The following MMP16 variants were observed in gnomAD, a reference collection of about 807,000 sequenced individuals.
MMP16 encodes the protein matrix metalloproteinase-16.
Under a neutral mutation model 67.8 loss-of-function variants are expected in MMP16, and 12 were observed. That is an observed-to-expected ratio of 0.18 (90% CI 0.11 to 0.29). The LOEUF is 0.29. MMP16 is among the 10% of genes least tolerant of loss of function. The probability of loss-of-function intolerance (pLI) is 1.00; values close to 1 mark genes in which losing one functional copy is unlikely to be tolerated. For synonymous variants in MMP16, 249 were observed against 255.9 expected (o/e 0.97, Z 0.26); for missense variants, 475 against 765.7 (o/e 0.62, Z 4.48).
chr8:88,318,287 G>A (rs1248886271), intron 1 of MMP16, among the ~76,000 whole-genome samples: 1 of 152,158 alleles, frequency 6.6e-6, no homozygotes, highest in Non-Finnish European at 1.5e-5. Context: ...TATTGTATGT[G>A]TTTAAGATTA....
chr8:88,307,954 C>T (rs1054838017), intron 1 of MMP16, among the ~76,000 whole-genome samples: 4 of 151,988 alleles, frequency 2.6e-5, no homozygotes, highest in African/African-American at 9.7e-5. Context: ...AAGAAAAATG[C>T]AATAACTCCA....
At chr8:88,197,373 A>T (rs1809273234) in intron 1 of MMP16, 67 bp from the exon 2 acceptor site, 5 of 1,343,488 alleles carry the variant, frequency 3.7e-6, no homozygotes, top group Non-Finnish European at 5.0e-6. Flanking sequence ...CTGGTAATTA[A>T]TGTATATCTA....
At chr8:88,270,122 T>C (rs896497965) in intron 1 of MMP16, among the ~76,000 whole-genome samples, 1 of 152,188 alleles carries the variant, frequency 6.6e-6, no homozygotes, top group Non-Finnish European at 1.5e-5. Flanking sequence ...AGAACAGTTA[T>C]CATATTTCCA....
At chr8:88,226,568 C>G (rs1809772322) in intron 1 of MMP16, among the ~76,000 whole-genome samples, 1 of 152,126 alleles carries the variant, frequency 6.6e-6, no homozygotes, top group East Asian at 1.9e-4. Context: ...TTTTTAAAAT[C>G]ATGTATTCAG....
At chr8:88,196,651 G>C (rs560003510) in intron 2 of MMP16, among the ~76,000 whole-genome samples, 8 of 152,278 alleles carry the variant, frequency 5.3e-5, no homozygotes, top group African/African-American at 1.9e-4. Flanking sequence ...AGAACCGTCA[G>C]CAGTGGGGAG....
intron 4 of MMP16, among the ~76,000 whole-genome samples, chr8:88,121,109 A>G (rs1807822793): frequency 6.7e-6 from 1 of 149,436 alleles, no homozygotes; most frequent in African/African-American, 2.5e-5. Context: ...TAGAAAGAGG[A>G]ATACAAAAAG....
At chr8:88,135,640 A>G (rs1808105859) in intron 4 of MMP16, among the ~76,000 whole-genome samples, 1 of 151,908 alleles carries the variant, frequency 6.6e-6, no homozygotes, top group Admixed American at 6.6e-5. Flanking sequence ...AGACATATAA[A>G]GAGGAGAATC....
intron 6 of MMP16, among the ~76,000 whole-genome samples, chr8:88,116,254 A>G (rs1197301161): frequency 6.6e-6 from 1 of 151,898 alleles, no homozygotes; most frequent in Admixed American, 6.6e-5. Context: ...AACATGCAGC[A>G]TTTTTTTTAC....
chr8:88,118,921 G>A, intron 4 of MMP16, 60 bp from the exon 5 acceptor site: 2 of 1,493,012 alleles, frequency 1.3e-6, no homozygotes, highest in Non-Finnish European at 1.8e-6. Context: ...GAATTGAAAA[G>A]GACAATTTGG....
chr8:88,128,118 C>T (rs1022548305), intron 4 of MMP16, among the ~76,000 whole-genome samples: 8 of 151,782 alleles, frequency 5.3e-5, no homozygotes, highest in African/African-American at 4.8e-5. Flanking sequence ...CTGCGGAGAA[C>T]GGCCTCTGTT....
rs1811555031 is a variant in MMP16 at position 88,327,235 on chromosome 8, G to C, written c.-29C>G. 1 of 1,612,870 alleles carries C rather than the reference G, an allele frequency of 6.2e-7. No individual in the cohort carries two copies. The highest frequency in any genetic ancestry group is 1.7e-5 in the Admixed American group (1 of 59,968). On this transcript the variant is annotated 5_prime_UTR_variant, in exon 1 of 10. Coordinates refer to ENST00000286614, the MANE Select transcript of MMP16 (RefSeq NM_005941.5). ...GAACTGTGCTTCAATGGATGGACGA[G>C]CTCCCCTTCGTTTTCTCCCTCTCTC...
intron 7 of MMP16, among the ~76,000 whole-genome samples, chr8:88,065,370 A>T (rs756236897): frequency 7.9e-5 from 12 of 152,102 alleles, no homozygotes; most frequent in Non-Finnish European, 1.5e-4. Context: ...ACATAATAAA[A>T]CTATACTATG....
chr8:88,217,628 G>C (rs932672029), intron 1 of MMP16, among the ~76,000 whole-genome samples: 1 of 151,864 alleles, frequency 6.6e-6, no homozygotes, highest in Non-Finnish European at 1.5e-5. Flanking sequence ...ATCTGTGTCA[G>C]CACCAATTCC....
At chr8:88,290,080 A>G (rs544299973) in intron 1 of MMP16, among the ~76,000 whole-genome samples, 4 of 152,208 alleles carry the variant, frequency 2.6e-5, no homozygotes, top group Non-Finnish European at 5.9e-5. Context: ...GGAAAATGCC[A>G]TAAGTATTGA....
chr8:88,113,673 C>T (rs1421036667), intron 6 of MMP16, among the ~76,000 whole-genome samples: 3 of 151,892 alleles, frequency 2.0e-5, no homozygotes, highest in African/African-American at 7.2e-5. Flanking sequence ...GTCATTGGCA[C>T]TGAAAAACAG....
In MMP16 at chr8:88,116,254, A is replaced by AT. The variant is rs540298005; in HGVS notation, c.1083+252dup. On this transcript the variant is annotated intron_variant, in intron 6 of 9. Transcript: ENST00000286614. Reference sequence around the variant, plus strand: ...ATTTTATCTCTTCATAACATGCAGCATTTTTTTTACCCTCACATTTTAGGC... The same window carrying AT: ...ATTTTATCTCTTCATAACATGCAGCATTTTTTTTTACCCTCACATTTTAGGC... Among the ~76,000 whole-genome samples the AT allele has an allele frequency of 6.4e-4, 97 of 152,014 alleles. 1 individual carries two copies. The South Asian group carries it at 7.5e-3, about 12-fold the overall frequency.
At position 88,078,067 on chromosome 8, in the gene MMP16, C is replaced by T. The variant is rs534532481; in HGVS notation, c.1084-3324G>A. Among the ~76,000 whole-genome samples the T allele has an allele frequency of 1.8e-4, 27 of 152,014 alleles. 1 individual carries two copies. In the South Asian group the frequency reaches 5.2e-3, roughly 29 times the overall value. On this transcript the variant is annotated intron_variant, in intron 6 of 9. Transcript: ENST00000286614. Reference sequence around the variant, plus strand: ...TCCTTCCTTCCTCCTTCCCTCTCTCCCTCCCTCTTTGTTTTCTTCTCTCTC... The same window carrying T: ...TCCTTCCTTCCTCCTTCCCTCTCTCTCTCCCTCTTTGTTTTCTTCTCTCTC...
chr8:88,296,338 T>A (rs2130031214), intron 1 of MMP16, among the ~76,000 whole-genome samples: 1 of 152,354 alleles, frequency 6.6e-6, no homozygotes, highest in South Asian at 2.1e-4. Context: ...GAGTACAATG[T>A]GATTTTCTGT....
intron 1 of MMP16, among the ~76,000 whole-genome samples, chr8:88,300,774 G>A (rs1008236893): frequency 2.0e-5 from 3 of 152,114 alleles, no homozygotes; most frequent in Admixed American, 6.5e-5. Context: ...CTCACTGTCT[G>A]AAAGAGAGAG....
Sources: allele counts gnomAD v4.1 joint callset (sites outside exome capture counted in the v4.1 genomes callset), GRCh38; gene constraint gnomAD v4.1.1; transcripts MANE v1.5; gene names NCBI Gene and HGNC (gene_info 2026-07-23, HGNC 2026-07-21).